The following MAP3K8 variants were observed in gnomAD, a reference collection of about 807,000 sequenced individuals.
MAP3K8 encodes the protein Ewing sarcoma transformant.
A neutral mutation model predicts 45.8 loss-of-function variants in MAP3K8; 22 were observed. That is an observed-to-expected ratio of 0.48 (90% CI 0.34 to 0.69). The LOEUF (loss-of-function observed/expected upper bound fraction) is 0.69. Among genes scored for constraint, MAP3K8 ranks in the 30% least tolerant of loss-of-function variants. The pLI is 0.01. For missense variants in MAP3K8, 419 were observed against 585.0 expected (o/e 0.72, Z 2.93); for synonymous variants, 223 against 214.3 (o/e 1.04, Z -0.36).
At chr10:30,435,404 T>C (rs8176956) in intron 1 of MAP3K8, among the ~76,000 whole-genome samples, 2,491 of 152,208 alleles carry the variant, frequency 0.016, 72 homozygotes, top group African/African-American at 0.056. Context: ...CGTTGAGGCA[T>C]GTAGAGGTTT....
intron 1 of MAP3K8, among the ~76,000 whole-genome samples, chr10:30,435,803 C>G (rs925633619): frequency 1.3e-5 from 2 of 152,152 alleles, no homozygotes; most frequent in Non-Finnish European, 2.9e-5. Flanking sequence ...CTTGGCCTCC[C>G]AAAGTGCTGA....
chr10:30,448,042 G>A (rs542410343), intron 4 of MAP3K8, 93 bp downstream of exon 4: 252 of 1,144,424 alleles, frequency 2.2e-4, no homozygotes, highest in African/African-American at 3.6e-4. Context: ...GGTTTTTATC[G>A]TTTGATTGGG....
intron 6 of MAP3K8, among the ~76,000 whole-genome samples, chr10:30,455,764 T>A (rs570048445): frequency 6.6e-6 from 1 of 152,366 alleles, no homozygotes; most frequent in African/African-American, 2.4e-5. Context: ...CAAGGTTTTC[T>A]CTTGCTCCAG....
At chr10:30,448,414 T>TTTTTTA (rs34801475) in intron 4 of MAP3K8, among the ~76,000 whole-genome samples, 11,763 of 136,320 alleles carry the variant, frequency 0.086, 1,062 homozygotes, top group African/African-American at 0.24. Flanking sequence ...CTATCCCAAA[T>TTTTTTA]TTATTATTAT....
intron 3 of MAP3K8, among the ~76,000 whole-genome samples, chr10:30,443,293 C>T (rs1321366951): frequency 2.0e-5 from 3 of 152,130 alleles, no homozygotes; most frequent in Non-Finnish European, 4.4e-5. Context: ...ATATTTGGAG[C>T]AATTAATGAA....
At chr10:30,453,986 AGAAG>A (rs1836646932) in intron 6 of MAP3K8, among the ~76,000 whole-genome samples, 1 of 150,638 alleles carries the variant, frequency 6.6e-6, no homozygotes, top group African/African-American at 2.5e-5. Flanking sequence ...GGAAAGAAAA[AGAAG>A]GAAAGAAAGA....
chr10:30,453,705 A>G (rs752347841), intron 6 of MAP3K8, among the ~76,000 whole-genome samples: 1 of 151,964 alleles, frequency 6.6e-6, no homozygotes, highest in Non-Finnish European at 1.5e-5. Flanking sequence ...GGGAGGACTT[A>G]CTTTAAATTA....
Position 30,438,921 on chromosome 10 carries a change from C to T in MAP3K8, c.-18C>T. ...ATTTGTGTTTTCTTTCCTAGACTCTCCAGAAAGAGCAACAGTAATGGAGTA... is the reference window on the plus strand; with the variant it reads ...ATTTGTGTTTTCTTTCCTAGACTCTTCAGAAAGAGCAACAGTAATGGAGTA... On this transcript the variant is annotated 5_prime_UTR_variant, in exon 3 of 9. Coordinates refer to ENST00000263056, the MANE Select transcript of MAP3K8 (RefSeq NM_005204.4). 6.4e-7 allele frequency: 1 copy of T among 1,556,638 alleles called. No homozygotes were observed. Among genetic ancestry groups the T allele is most frequent in the Non-Finnish European group, 8.8e-7 (1 of 1,139,084 alleles).
At chr10:30,445,514 AG>A (rs1836291886) in intron 3 of MAP3K8, among the ~76,000 whole-genome samples, 1 of 152,222 alleles carries the variant, frequency 6.6e-6, no homozygotes, top group African/African-American at 2.4e-5. Flanking sequence ...GGTTCACTGG[AG>A]GGTGAGGTGA....
intron 3 of MAP3K8, among the ~76,000 whole-genome samples, chr10:30,440,464 T>C (rs913948741): frequency 6.6e-6 from 1 of 152,186 alleles, no homozygotes; most frequent in Non-Finnish European, 1.5e-5. Flanking sequence ...CAGAGTAATT[T>C]AGGTCAGGTA....
At chr10:30,452,403 A>G (rs1836575825) in intron 6 of MAP3K8, among the ~76,000 whole-genome samples, 1 of 151,856 alleles carries the variant, frequency 6.6e-6, no homozygotes. Flanking sequence ...CAGGAGGCAG[A>G]GGTTGAGGTG....
chr10:30,450,568 T>A, intron 5 of MAP3K8, 49 bp downstream of exon 5: 1 of 1,573,496 alleles, frequency 6.4e-7, no homozygotes, highest in Non-Finnish European at 8.7e-7. Flanking sequence ...GACTAGTTAT[T>A]CAGGAGACAA....
chr10:30,438,129 A>G (rs1256914617), intron 2 of MAP3K8, among the ~76,000 whole-genome samples: 1 of 152,196 alleles, frequency 6.6e-6, no homozygotes, highest in African/African-American at 2.4e-5. Flanking sequence ...TCTACTACTC[A>G]CAGCTTCTAG....
At chr10:30,452,423 C>G (rs544313745) in intron 6 of MAP3K8, among the ~76,000 whole-genome samples, 1 of 151,642 alleles carries the variant, frequency 6.6e-6, no homozygotes, top group South Asian at 2.1e-4. Context: ...GAGCCGAGAT[C>G]GTGCCATTGC....
intron 4 of MAP3K8, 75 bp from the exon 5 acceptor site, chr10:30,450,183 G>T: frequency 9.2e-6 from 13 of 1,412,696 alleles, no homozygotes; most frequent in Non-Finnish European, 1.2e-5. Context: ...TTTGTTTTTT[G>T]CATTGACCTA....
At chr10:30,460,613 A>C in intron 8 of MAP3K8, 93 bp from the exon 9 acceptor site, 1 of 979,270 alleles carries the variant, frequency 1.0e-6, no homozygotes, top group Non-Finnish European at 1.5e-6. Context: ...CTGTTTTATT[A>C]GGCCCCAAAG....
intron 3 of MAP3K8, among the ~76,000 whole-genome samples, chr10:30,443,078 G>T (rs1371421167): frequency 6.6e-6 from 1 of 152,072 alleles, no homozygotes; most frequent in African/African-American, 2.4e-5. Context: ...TGACCGTTTA[G>T]TGCAAGCCCT....
intron 3 of MAP3K8, among the ~76,000 whole-genome samples, chr10:30,443,734 A>C (rs1467725361): frequency 8.1e-6 from 1 of 123,548 alleles, no homozygotes; most frequent in Non-Finnish European, 2.0e-5. Context: ...TATAATACTT[A>C]AAGAGTTTTC....
intron 3 of MAP3K8, among the ~76,000 whole-genome samples, chr10:30,445,976 A>T (rs189965012): frequency 6.6e-5 from 10 of 152,356 alleles, no homozygotes; most frequent in Admixed American, 3.9e-4. Context: ...ATGCATCTGC[A>T]GATGAATCAA....
Sources: allele counts gnomAD v4.1 joint callset (sites outside exome capture counted in the v4.1 genomes callset), GRCh38; gene constraint gnomAD v4.1.1; transcripts MANE v1.5; gene names NCBI Gene and HGNC (gene_info 2026-07-23, HGNC 2026-07-21).